The following RAPGEF4 variants were observed in gnomAD, a reference collection of about 807,000 sequenced individuals.
RAPGEF4 encodes RAP guanine-nucleotide-exchange factor (GEF) 4.
RAPGEF4 carries 66 observed loss-of-function variants against 147.9 expected under a neutral mutation model. The observed-to-expected ratio is 0.45, with a 90% CI of 0.37 to 0.55. The LOEUF is 0.55. Among genes scored for constraint, RAPGEF4 ranks in the 20% least tolerant of loss-of-function variants. The probability of loss-of-function intolerance (pLI) is 0.00; values close to 1 mark genes in which losing one functional copy is unlikely to be tolerated. For missense variants in RAPGEF4, 1,071 were observed against 1,257.3 expected, an observed-to-expected ratio of 0.85 and a Z score of 2.24; for synonymous variants, 419 against 442.7, an observed-to-expected ratio of 0.95 and a Z score of 0.67.
intron 1 of RAPGEF4, among the ~76,000 whole-genome samples, chr2:172,775,984 T>C (rs1286620404): frequency 6.6e-6 from 1 of 152,224 alleles, no homozygotes; most frequent in Non-Finnish European, 1.5e-5. Flanking sequence ...GCCAGAATCC[T>C]AAGTGTATTT....
chr2:173,007,032 T>C (rs1439836993), intron 17 of RAPGEF4, among the ~76,000 whole-genome samples: 2 of 152,218 alleles, frequency 1.3e-5, no homozygotes, highest in Admixed American at 1.3e-4. Flanking sequence ...CTAAAAAATA[T>C]TTCATATACA....
intron 4 of RAPGEF4, among the ~76,000 whole-genome samples, chr2:172,828,416 T>C (rs1355060725): frequency 6.6e-6 from 1 of 152,170 alleles, no homozygotes; most frequent in East Asian, 1.9e-4. Flanking sequence ...TCTTCTCTCA[T>C]CCTCAGGCTC....
chr2:172,854,477 A>G (rs1361600629), intron 4 of RAPGEF4, among the ~76,000 whole-genome samples: 2 of 151,972 alleles, frequency 1.3e-5, no homozygotes, highest in Non-Finnish European at 1.5e-5. Context: ...TTTGTATATA[A>G]AAGGTATAAA....
At position 173,016,415 on chromosome 2, in the gene RAPGEF4, T is replaced by C. The variant is rs115097776; in HGVS notation, c.1876T>C (p.Leu626=). ...TGCCCTCAAGGAGCAACTGCCAGAGTTGGAGAAGATTGTCAAGCAAATGTA... is the reference window on the plus strand; with the variant it reads ...TGCCCTCAAGGAGCAACTGCCAGAGCTGGAGAAGATTGTCAAGCAAATGTA... ...IAALKEQLPE[L]EKIVKQISED... The change falls in exon 19 of 31, where the codon TTG becomes CTG. Residue 626 remains leucine, a synonymous_variant. Coordinates refer to ENST00000397081, the MANE Select transcript of RAPGEF4 (RefSeq NM_007023.4). The C allele has an allele frequency of 6.2e-7, 1 of 1,611,474 alleles. No individual in the cohort carries two copies. The highest frequency in any genetic ancestry group is 1.3e-5 in the African/African-American group (1 of 74,840).
chr2:172,799,835 T>G (rs1686793011), intron 3 of RAPGEF4, among the ~76,000 whole-genome samples: 1 of 152,136 alleles, frequency 6.6e-6, no homozygotes, highest in African/African-American at 2.4e-5. Context: ...GGATGATACA[T>G]AACACCAGCT....
intron 4 of RAPGEF4, among the ~76,000 whole-genome samples, chr2:172,833,320 A>G (rs1373086309): frequency 6.8e-6 from 1 of 146,970 alleles, no homozygotes; most frequent in Non-Finnish European, 1.5e-5. Flanking sequence ...CTATTTACAT[A>G]GTATCTGTTT....
At chr2:172,857,451 G>T (rs542868141) in intron 4 of RAPGEF4, among the ~76,000 whole-genome samples, 1 of 152,316 alleles carries the variant, frequency 6.6e-6, no homozygotes, top group East Asian at 1.9e-4. Flanking sequence ...GTCTTTCGGT[G>T]TATACATTAT....
intron 26 of RAPGEF4, among the ~76,000 whole-genome samples, chr2:173,031,047 C>A (rs1697144638): frequency 6.6e-6 from 1 of 152,118 alleles, no homozygotes; most frequent in African/African-American, 2.4e-5. Context: ...AGAAAGAGGG[C>A]AAGGAGTATG....
At chr2:172,806,015 CTGTGTGTGTGTGTGTG>C (rs36226317) in intron 3 of RAPGEF4, among the ~76,000 whole-genome samples, 63 of 145,420 alleles carry the variant, frequency 4.3e-4, no homozygotes, top group African/African-American at 1.0e-3. Context: ...TATTATCCGG[CTGTGTGTGTGTGTGTG>C]TGTGTGTGTG....
At chr2:172,916,685 T>G (rs3769263) in intron 4 of RAPGEF4, among the ~76,000 whole-genome samples, 4,491 of 152,236 alleles carry the variant, frequency 0.03, 156 homozygotes, top group East Asian at 0.17. Context: ...AAAAAAGAAT[T>G]TTTAAAAAGC....
intron 1 of RAPGEF4, among the ~76,000 whole-genome samples, chr2:172,738,025 A>G (rs983336103): frequency 6.6e-6 from 1 of 152,240 alleles, no homozygotes; most frequent in African/African-American, 2.4e-5. Flanking sequence ...GGAACAGTTT[A>G]GGGCAGCAAT....
intron 16 of RAPGEF4, among the ~76,000 whole-genome samples, chr2:172,998,517 AC>A (rs1693590824): frequency 6.6e-6 from 1 of 152,208 alleles, no homozygotes. Context: ...GTTTGAGGCT[AC>A]AGTGAGCTAT....
At chr2:173,014,677 A>G in intron 18 of RAPGEF4, 63 bp downstream of exon 18, 1 of 1,501,878 alleles carries the variant, frequency 6.7e-7, no homozygotes, top group Middle Eastern at 2.1e-4. Context: ...ACCTACTTAT[A>G]GGCTCAGCAG....
chr2:173,002,676 A>T (rs1292338170), intron 17 of RAPGEF4, among the ~76,000 whole-genome samples: 1 of 145,332 alleles, frequency 6.9e-6, no homozygotes, highest in African/African-American at 2.6e-5. Context: ...CTCATTCAAG[A>T]TTATAATTAC....
intron 10 of RAPGEF4, among the ~76,000 whole-genome samples, chr2:172,975,566 A>T (rs1249887787): frequency 6.6e-6 from 1 of 152,162 alleles, no homozygotes; most frequent in Non-Finnish European, 1.5e-5. Flanking sequence ...TGACAATATT[A>T]TTTCCTCTCT....
At chr2:172,971,049 G>C (rs1322160701) in intron 10 of RAPGEF4, among the ~76,000 whole-genome samples, 1 of 152,174 alleles carries the variant, frequency 6.6e-6, no homozygotes, top group Non-Finnish European at 1.5e-5. Flanking sequence ...CTAAAAACAA[G>C]AGGTTGCCCT....
chr2:172,917,644 T>A (rs1684213897), intron 4 of RAPGEF4, among the ~76,000 whole-genome samples, 158 bp from the exon 5 acceptor site: 1 of 152,226 alleles, frequency 6.6e-6, no homozygotes, highest in Non-Finnish European at 1.5e-5. Flanking sequence ...ACATCTTTAT[T>A]TCAGACCAGA....
chr2:172,746,619 T>G (rs537493940), intron 1 of RAPGEF4, among the ~76,000 whole-genome samples: 15 of 140,174 alleles, frequency 1.1e-4, no homozygotes, highest in Non-Finnish European at 1.5e-4. Flanking sequence ...TACTTTTTTC[T>G]TTTTTTTTTT....
intron 4 of RAPGEF4, among the ~76,000 whole-genome samples, chr2:172,900,976 A>G (rs560209463): frequency 2.1e-4 from 32 of 152,114 alleles, no homozygotes; most frequent in African/African-American, 6.3e-4. Flanking sequence ...TTTTTCAAAT[A>G]TATTACATGG....
Sources: gnomAD v4.1 joint callset for allele counts (sites outside exome capture counted in the v4.1 genomes callset) on GRCh38, gnomAD v4.1.1 for gene constraint, MANE v1.5 for transcripts, NCBI Gene and HGNC (gene_info 2026-07-23, HGNC 2026-07-21) for gene names.